CCSER2: variants seen among roughly 807,000 people sequenced by gnomAD.
CCSER2 encodes the protein serine-rich coiled-coil domain-containing protein 2.
Under a neutral mutation model 92.3 loss-of-function variants are expected in CCSER2, and 46 were observed. The observed-to-expected ratio is 0.50, with a 90% confidence interval of 0.39 to 0.64. The LOEUF (loss-of-function observed/expected upper bound fraction) is 0.64, where lower values mean the gene tolerates loss of function less well. Among genes scored for constraint, CCSER2 ranks in the 30% least tolerant of loss-of-function variants. The pLI, the probability that CCSER2 is intolerant of heterozygous loss-of-function variation, is 0.00. For missense variants in CCSER2, 1,244 were observed against 1,238.9 expected, an observed-to-expected ratio of 1.00 and a Z score of -0.06; for synonymous variants, 433 against 431.4, an observed-to-expected ratio of 1.00 and a Z score of -0.04.
intron 9 of CCSER2, among the ~76,000 whole-genome samples, chr10:84,506,536 G>A (rs1273629474): frequency 4.6e-5 from 7 of 152,204 alleles, no homozygotes; most frequent in Admixed American, 3.3e-4. Flanking sequence ...GCTCACGCCT[G>A]TGATCCCAGC....
chr10:84,497,674 T>C (rs1262571602), intron 9 of CCSER2, among the ~76,000 whole-genome samples: 1 of 152,216 alleles, frequency 6.6e-6, no homozygotes, highest in African/African-American at 2.4e-5. Context: ...GGGGGAGTTT[T>C]AGGCTATAGA....
At chr10:84,507,277 A>G (rs1241488386) in intron 9 of CCSER2, 14 of 983,096 alleles carry the variant, frequency 1.4e-5, no homozygotes, top group Non-Finnish European at 1.6e-5. Context: ...CTGCTCTCCC[A>G]TTATGCCATT....
intron 1 of CCSER2, among the ~76,000 whole-genome samples, chr10:84,344,751 T>G (rs1844387970): frequency 6.6e-6 from 1 of 152,052 alleles, no homozygotes; most frequent in African/African-American, 2.4e-5. Flanking sequence ...TTGAGGTGGT[T>G]TGGTGTGGTT....
intron 8 of CCSER2, among the ~76,000 whole-genome samples, chr10:84,475,067 A>C (rs1175884165): frequency 6.6e-6 from 1 of 152,170 alleles, no homozygotes; most frequent in Admixed American, 6.5e-5. Flanking sequence ...GTAATACCCA[A>C]GGATAGGTTA....
chr10:84,444,859 C>G (rs893855561), intron 6 of CCSER2, among the ~76,000 whole-genome samples: 1 of 152,164 alleles, frequency 6.6e-6, no homozygotes, highest in Non-Finnish European at 1.5e-5. Context: ...TTAAGCATCT[C>G]TTTTGTGTAC....
chr10:84,477,509 C>T, intron 8 of CCSER2, 66 bp from the exon 9 acceptor site: 2 of 766,690 alleles, frequency 2.6e-6, no homozygotes, highest in South Asian at 1.8e-5. Flanking sequence ...CCTAAAGTTT[C>T]TCTTGTGTGT....
intron 1 of CCSER2, among the ~76,000 whole-genome samples, chr10:84,335,668 C>T (rs762101644): frequency 7.9e-5 from 12 of 152,104 alleles, no homozygotes; most frequent in African/African-American, 2.7e-4. Context: ...CTAGTGAATA[C>T]GCTAGGGACA....
chr10:84,377,671 C>T (rs894395093), intron 3 of CCSER2, among the ~76,000 whole-genome samples: 7 of 152,176 alleles, frequency 4.6e-5, no homozygotes, highest in African/African-American at 1.7e-4. Flanking sequence ...CCAGGAAGGA[C>T]CTGCAGGGAT....
intron 4 of CCSER2, among the ~76,000 whole-genome samples, chr10:84,420,082 A>G (rs1444312669): frequency 2.0e-5 from 3 of 152,222 alleles, no homozygotes; most frequent in Non-Finnish European, 4.4e-5. Context: ...TTTTACTTTG[A>G]CAGAATTGTA....
intron 1 of CCSER2, among the ~76,000 whole-genome samples, chr10:84,346,813 T>C (rs1391850388): frequency 6.6e-6 from 1 of 151,694 alleles, no homozygotes; most frequent in East Asian, 1.9e-4. Flanking sequence ...TGATCATTCT[T>C]GGGTGTTTCT....
chr10:84,354,744 A>ACC (rs1845067686), intron 1 of CCSER2, among the ~76,000 whole-genome samples: 1 of 151,592 alleles, frequency 6.6e-6, no homozygotes, highest in Admixed American at 6.6e-5. Flanking sequence ...GACTCCTTTG[A>ACC]CCGGTAAACA....
chr10:84,508,831 C>T (rs1305274492), intron 9 of CCSER2, among the ~76,000 whole-genome samples: 1 of 152,160 alleles, frequency 6.6e-6, no homozygotes, highest in Admixed American at 6.5e-5. Context: ...ATGACTTGAA[C>T]TCATCATTCT....
At chr10:84,441,776 T>TTTTTTG (rs1589675156) in intron 6 of CCSER2, among the ~76,000 whole-genome samples, 1 of 111,882 alleles carries the variant, frequency 8.9e-6, no homozygotes, top group Non-Finnish European at 1.7e-5. Context: ...TTTTTTTTTT[T>TTTTTTG]GAGACGAAGT....
rs1248851624 is a variant in CCSER2, at chr10:84,360,301, T to C, written c.-39-10713T>C. Among the ~76,000 whole-genome samples, 3 of 152,358 alleles carry C rather than the reference T, an allele frequency of 2.0e-5. No individual in the cohort carries two copies. The East Asian group carries it at 5.8e-4, about 29-fold the overall frequency. On this transcript the variant is annotated intron_variant, in intron 1 of 9. Coordinates refer to ENST00000372088, the MANE Select transcript of CCSER2 (RefSeq NM_001284240.2). The stretch of plus-strand genomic sequence containing the variant: ...GAGTGTTTCAGATTTTCTTACTTTG[T>C]GATTCTATCTTTTTTTCTGTATTTA...
At chr10:84,492,719 G>C (rs1333232540) in intron 9 of CCSER2, among the ~76,000 whole-genome samples, 1 of 152,138 alleles carries the variant, frequency 6.6e-6, no homozygotes, top group Non-Finnish European at 1.5e-5. Flanking sequence ...TAATTGCTAT[G>C]AACCTATGAG....
chr10:84,430,505 A>G (rs1303493084), intron 5 of CCSER2, among the ~76,000 whole-genome samples: 1 of 152,214 alleles, frequency 6.6e-6, no homozygotes, highest in Admixed American at 6.5e-5. Flanking sequence ...GCTTTGAATC[A>G]GCTCAAACCA....
chr10:84,477,646 A>G lies in CCSER2; in HGVS notation c.2307A>G (p.Thr769=). Residue 769 remains threonine (T), a synonymous_variant, in exon 9 of 10, where the codon ACA becomes ACG. Coordinates refer to ENST00000372088, the MANE Select transcript of CCSER2 (RefSeq NM_001284240.2). ...CTTATGCTGATAAATATACCCAAAC[A>G]CCCTGGAGACGAATTCCTGTAAGTA... is the stretch of plus-strand genomic sequence containing the variant. ...KCTYADKYTQ[T]PWRRIPPQVL... 1 of 1,601,566 alleles carries G rather than the reference A, an allele frequency of 6.2e-7. No individual in the cohort carries two copies. Among genetic ancestry groups the G allele is most frequent in the Non-Finnish European group, 8.5e-7 (1 of 1,169,830 alleles).
intron 3 of CCSER2, among the ~76,000 whole-genome samples, chr10:84,377,726 T>C (rs1452970787): frequency 1.7e-4 from 26 of 152,166 alleles, no homozygotes; most frequent in Admixed American, 1.7e-3. Flanking sequence ...TTGGAGAGAA[T>C]TGACATATTT....
chr10:84,420,669 C>T (rs1311039071), intron 4 of CCSER2, among the ~76,000 whole-genome samples: 1 of 152,080 alleles, frequency 6.6e-6, no homozygotes, highest in Non-Finnish European at 1.5e-5. Flanking sequence ...CATGGTGGCT[C>T]ATGCCTGTAA....
Sources: allele counts gnomAD v4.1 joint callset (sites outside exome capture counted in the v4.1 genomes callset), GRCh38; gene constraint gnomAD v4.1.1; transcripts MANE v1.5; gene names NCBI Gene and HGNC (gene_info 2026-07-23, HGNC 2026-07-21).